Variants in RELT observed in about 807,000 individuals in gnomAD.
RELT encodes tumor necrosis factor receptor superfamily member 19L.
A neutral mutation model predicts 51.1 loss-of-function variants in RELT; 37 were observed. The observed-to-expected ratio is 0.72, with a 90% CI of 0.56 to 0.95. The LOEUF is 0.95. RELT is among the 40% of genes least tolerant of loss of function. The pLI is 0.00. For synonymous variants in RELT, 241 were observed against 235.7 expected (o/e 1.02, Z -0.21); for missense variants, 535 against 572.6 (o/e 0.93, Z 0.67).
rs1490781122 is a variant in RELT, at chr11:73,391,222, T to C, written c.366T>C (p.Asp122=). ...SWAPLGTHGC[D]EWGRRARRGV... Reference sequence around the variant, plus strand: ...CACCTCTGGGTACTCATGGCTGTGATGGTGAGTGGCAGACTGGGGCTAGGA... The same window carrying C: ...CACCTCTGGGTACTCATGGCTGTGACGGTGAGTGGCAGACTGGGGCTAGGA... The change falls in exon 5 of 11, where the codon GAT becomes GAC. Residue 122 remains aspartate (D), a splice_region_variant and synonymous_variant. Transcript: ENST00000064780. The C allele has an allele frequency of 1.2e-6, 2 of 1,613,564 alleles. No individual in the cohort carries two copies. Among genetic ancestry groups the C allele is most frequent in the South Asian group, 1.1e-5 (1 of 91,010 alleles).
chr11:73,392,742 T>C, intron 6 of RELT: 3 of 1,380,948 alleles, frequency 2.2e-6, no homozygotes, highest in Non-Finnish European at 2.8e-6. Context: ...CTGGACTCTT[T>C]GGAGGCCACA....
chr11:73,389,849 C>T (rs1433824646), intron 2 of RELT, among the ~76,000 whole-genome samples: 1 of 152,200 alleles, frequency 6.6e-6, no homozygotes, highest in Non-Finnish European at 1.5e-5. Context: ...CTGATGGTAG[C>T]CTCATCCAGC....
At chr11:73,386,058 T>C (rs536652252) in intron 1 of RELT, among the ~76,000 whole-genome samples, 1 of 152,166 alleles carries the variant, frequency 6.6e-6, no homozygotes, top group Admixed American at 6.5e-5. Context: ...CCCAAAAACT[T>C]CGCGACAGCC....
chr11:73,387,187 C>T (rs1156933249), intron 1 of RELT, among the ~76,000 whole-genome samples: 1 of 152,198 alleles, frequency 6.6e-6, no homozygotes, highest in African/African-American at 2.4e-5. Flanking sequence ...TCGTGATCCA[C>T]CTGCCTCTGC....
rs1866272357 is a variant in RELT, at chr11:73,394,438, G to A, written c.789-39G>A. ...TTCCCTGCTGGGGTCTCCTGCCCCT[G>A]GCCTGGCCTATGGCCACTTCTGCCT... On this transcript the variant is annotated intron_variant, in intron 8 of 10. Coordinates refer to ENST00000064780, the MANE Select transcript of RELT (RefSeq NM_152222.2). The surrounding 1 kb of genome is among the most constrained non-coding windows in gnomAD (Gnocchi z 4.9). 1 of 1,608,678 alleles carries A rather than the reference G, an allele frequency of 6.2e-7. No individual in the cohort carries two copies. Among genetic ancestry groups the A allele is most frequent in the Non-Finnish European group, 8.5e-7 (1 of 1,176,340 alleles).
At chr11:73,380,959 C>T (rs1267382831) in intron 1 of RELT, among the ~76,000 whole-genome samples, 1 of 152,162 alleles carries the variant, frequency 6.6e-6, no homozygotes, top group Non-Finnish European at 1.5e-5. Context: ...GGACAAGAGC[C>T]AATGCTGCAT....
chr11:73,391,024 A>C, intron 4 of RELT, 103 bp downstream of exon 4: 1 of 1,522,162 alleles, frequency 6.6e-7, no homozygotes, highest in Non-Finnish European at 9.0e-7. Context: ...CATTCTTCCC[A>C]TCTGTGAAAT....
chr11:73,392,264 G>A lies in RELT; in HGVS notation c.421G>A (p.Gly141Ser), dbSNP rs768757980. Reference sequence around the variant, plus strand: ...GGAGGTGGCAGCAGGGGCCAGCAGCGGTGGTGAGACACGGCAGCCTGGGAA... The same window carrying A: ...GGAGGTGGCAGCAGGGGCCAGCAGCAGTGGTGAGACACGGCAGCCTGGGAA... ...GVEVAAGASS[G>S]GETRQPGNGT... Residue 141 changes from glycine to serine, a missense_variant, in exon 6 of 11, where the codon GGT becomes AGT. Coordinates refer to ENST00000064780, the MANE Select transcript of RELT (RefSeq NM_152222.2). 4.0e-5 allele frequency: 65 copies of A among 1,612,978 alleles called. No individual in the cohort carries two copies. In the South Asian group the frequency reaches 5.3e-4, roughly 13 times the overall value.
intron 1 of RELT, among the ~76,000 whole-genome samples, chr11:73,386,380 CATCT>C (rs1380207928): frequency 1.3e-5 from 2 of 152,204 alleles, no homozygotes; most frequent in Non-Finnish European, 2.9e-5. Context: ...AGGGGGCTTC[CATCT>C]AACTGTTTTT....
At chr11:73,384,941 G>T (rs1031776484) in intron 1 of RELT, among the ~76,000 whole-genome samples, 2 of 152,116 alleles carry the variant, frequency 1.3e-5, no homozygotes, top group Non-Finnish European at 2.9e-5. Context: ...CTGGCCAAGC[G>T]ATGAGGGGAG....
intron 1 of RELT, among the ~76,000 whole-genome samples, chr11:73,387,729 C>G (rs1468885831): frequency 1.3e-5 from 2 of 152,260 alleles, no homozygotes; most frequent in South Asian, 4.2e-4. Context: ...GTGGACAGAT[C>G]GGTTTCCTGG....
intron 1 of RELT, among the ~76,000 whole-genome samples, chr11:73,378,064 C>T (rs1865997752): frequency 6.6e-6 from 1 of 152,176 alleles, no homozygotes; most frequent in Admixed American, 6.5e-5. Flanking sequence ...TCTTCAGTTC[C>T]TTGGGTTGGG....
chr11:73,390,971 CTG>C (rs1471267286), intron 4 of RELT, 50 bp downstream of exon 4: 1 of 1,592,864 alleles, frequency 6.3e-7, no homozygotes, highest in African/African-American at 1.4e-5. Context: ...GACCAGGACT[CTG>C]GATCCTGGGG....
At chr11:73,392,978 C>T in intron 6 of RELT, 2 of 998,722 alleles carry the variant, frequency 2.0e-6, no homozygotes, top group Non-Finnish European at 2.4e-6. Flanking sequence ...CCTTCACCCC[C>T]AGGGCCCCGG....
chr11:73,390,012 TG>T (rs1017732291), intron 2 of RELT, among the ~76,000 whole-genome samples: 6 of 152,020 alleles, frequency 3.9e-5, no homozygotes, highest in Admixed American at 2.0e-4. Flanking sequence ...TTTGGGTGTG[TG>T]GGTGTGAATG....
At chr11:73,380,000 A>T (rs766324653) in intron 1 of RELT, among the ~76,000 whole-genome samples, 5 of 152,142 alleles carry the variant, frequency 3.3e-5, no homozygotes, top group Non-Finnish European at 5.9e-5. Flanking sequence ...TCCAGACTAT[A>T]GCCCCAGCTC....
intron 5 of RELT, among the ~76,000 whole-genome samples, chr11:73,391,584 T>A (rs1181389303): frequency 6.6e-6 from 1 of 152,084 alleles, no homozygotes; most frequent in Non-Finnish European, 1.5e-5. Flanking sequence ...GGCAGGAGGA[T>A]CACTTTGAGA....
rs539000194 is a variant in RELT at position 73,385,960 on chromosome 11, A to C, written c.-25-3152A>C. Reference sequence around the variant, plus strand: ...AGCAGGAGGATCACTTAAAAGTTCAAAGTTGCAGTGAGCTGTGATCGTGCT... The same window carrying C: ...AGCAGGAGGATCACTTAAAAGTTCACAGTTGCAGTGAGCTGTGATCGTGCT... On this transcript the variant is annotated intron_variant, in intron 1 of 10. Transcript: ENST00000064780. 2.0e-5 allele frequency among the ~76,000 whole-genome samples: 3 copies of C among 152,340 alleles called. No individual in the cohort carries two copies. In the South Asian group the frequency reaches 6.2e-4, roughly 32 times the overall value.
At chr11:73,391,883 A>C (rs1334747699) in intron 5 of RELT, 1 of 458,074 alleles carries the variant, frequency 2.2e-6, no homozygotes, top group Admixed American at 3.5e-5. Context: ...ATTCATGGCC[A>C]GGCCACAGGG....
Sources: gnomAD v4.1 joint callset for allele counts (sites outside exome capture counted in the v4.1 genomes callset) on GRCh38, gnomAD v4.1.1 for gene constraint, Gnocchi (gnomAD v3.1) non-coding constraint, MANE v1.5 for transcripts, NCBI Gene and HGNC (gene_info 2026-07-23, HGNC 2026-07-21) for gene names.